The following KIZ variants were observed in gnomAD, a reference collection of about 807,000 sequenced individuals.
The protein encoded by KIZ is centrosomal protein kizuna.
A neutral mutation model predicts 79.6 loss-of-function variants in KIZ; 68 were observed. The observed-to-expected ratio is 0.85, with a 90% CI of 0.70 to 1.05. The LOEUF is 1.05. KIZ is among the 50% of genes least tolerant of loss of function. The pLI is 0.00. For missense variants in KIZ, 797 were observed against 800.4 expected, an observed-to-expected ratio of 1.00 and a Z score of 0.05; for synonymous variants, 280 against 281.8, an observed-to-expected ratio of 0.99 and a Z score of 0.06.
chr20:21,134,292 A>G (rs1160278846), intron 2 of KIZ, among the ~76,000 whole-genome samples: 2 of 152,182 alleles, frequency 1.3e-5, no homozygotes, highest in Non-Finnish European at 2.9e-5. Flanking sequence ...GCTCTTAAGC[A>G]TGACGGGATG....
intron 6 of KIZ, chr20:21,197,908 G>C (rs907167821): frequency 1.3e-5 from 2 of 152,158 alleles, no homozygotes; most frequent in East Asian, 1.9e-4. Context: ...TCCTTCACCA[G>C]CTCCCAGGAC....
intron 6 of KIZ, chr20:21,198,407 A>C (rs977883815): frequency 6.6e-6 from 1 of 152,222 alleles, no homozygotes; most frequent in African/African-American, 2.4e-5. Context: ...CTAGCAGAGA[A>C]TAGATTATTA....
intron 11 of KIZ, among the ~76,000 whole-genome samples, chr20:21,239,093 C>T (rs2037131103): frequency 6.6e-6 from 1 of 152,244 alleles, no homozygotes; most frequent in African/African-American, 2.4e-5. Context: ...CTGCTGTCTG[C>T]AGGCTGTCAC....
intron 1 of KIZ, 109 bp from the exon 2 acceptor site, chr20:21,131,984 TGACC>T: frequency 1.7e-6 from 1 of 600,882 alleles, no homozygotes; most frequent in Admixed American, 3.6e-5. Flanking sequence ...GGGCTTTTTT[TGACC>T]TCTAATCAAC....
At chr20:21,221,670 G>C (rs992397592) in intron 9 of KIZ, among the ~76,000 whole-genome samples, 6 of 152,200 alleles carry the variant, frequency 3.9e-5, no homozygotes, top group African/African-American at 1.4e-4. Context: ...TCCATTTAGA[G>C]TCTTTCCAGG....
intron 6 of KIZ, among the ~76,000 whole-genome samples, chr20:21,187,379 G>A (rs1001364203): frequency 6.6e-6 from 1 of 152,140 alleles, no homozygotes; most frequent in African/African-American, 2.4e-5. Context: ...TCATCTGAGT[G>A]CCCCCTCAGT....
chr20:21,126,977 ATC>A (rs1464262660), intron 1 of KIZ, among the ~76,000 whole-genome samples: 2 of 152,210 alleles, frequency 1.3e-5, no homozygotes, highest in Non-Finnish European at 2.9e-5. Context: ...ACATTTTTGG[ATC>A]TCTTGATAAA....
At chr20:21,230,442 T>C (rs532887432) in intron 10 of KIZ, among the ~76,000 whole-genome samples, 23 of 152,340 alleles carry the variant, frequency 1.5e-4, no homozygotes, top group African/African-American at 5.3e-4. Flanking sequence ...ACCACTGCAC[T>C]GGGCAACAGA....
At chr20:21,186,035 A>G (rs780969489) in intron 6 of KIZ, among the ~76,000 whole-genome samples, 8 of 152,336 alleles carry the variant, frequency 5.3e-5, no homozygotes, top group Middle Eastern at 6.8e-3. Flanking sequence ...AATGGAAAGT[A>G]TGGAAGTTGC....
chr20:21,204,449 ATT>A (rs1414280685), intron 6 of KIZ, among the ~76,000 whole-genome samples: 1 of 151,710 alleles, frequency 6.6e-6, no homozygotes, highest in Admixed American at 6.6e-5. Flanking sequence ...AAAGGTTTAT[ATT>A]TTTATTTTTT....
At chr20:21,203,065 C>G (rs922879448) in intron 6 of KIZ, among the ~76,000 whole-genome samples, 5 of 152,176 alleles carry the variant, frequency 3.3e-5, no homozygotes, top group African/African-American at 1.2e-4. Flanking sequence ...TTCAGTTTAT[C>G]TAATACCTAG....
intron 4 of KIZ, among the ~76,000 whole-genome samples, chr20:21,161,474 G>A (rs6137275): frequency 3.1e-5 from 3 of 97,726 alleles, no homozygotes; most frequent in Non-Finnish European, 5.3e-5. Context: ...TAGGATCACA[G>A]GCACCTGCCA....
chr20:21,201,497 G>A (rs1022215567), intron 6 of KIZ, among the ~76,000 whole-genome samples: 7 of 151,960 alleles, frequency 4.6e-5, no homozygotes, highest in African/African-American at 1.5e-4. Context: ...GCTTTGTATT[G>A]TTTGGATTAT....
At chr20:21,141,813 ACACACACACACT>A (rs1458299192) in intron 3 of KIZ, among the ~76,000 whole-genome samples, 1 of 139,144 alleles carries the variant, frequency 7.2e-6, no homozygotes, top group Admixed American at 7.1e-5. Flanking sequence ...ACACACACAC[ACACACACACACT>A]CTCTCTCTCT....
In KIZ at chr20:21,238,225, T is replaced by C. The variant is rs543774946; in HGVS notation, c.1880+5395T>C. Among the ~76,000 whole-genome samples the C allele has an allele frequency of 1.9e-4, 29 of 152,206 alleles. No individual in the cohort carries two copies. The South Asian group carries it at 6.0e-3, about 32-fold the overall frequency. Reference sequence around the variant, plus strand: ...CACCATTCACTCTAGTTTGTTTTTTTTTTTTTTAAATAAAAGTCAGTTTGT... The same window carrying C: ...CACCATTCACTCTAGTTTGTTTTTTCTTTTTTTAAATAAAAGTCAGTTTGT... On this transcript the variant is annotated intron_variant, in intron 11 of 12. Transcript: ENST00000619189.
chr20:21,145,700 G>T, intron 4 of KIZ, 46 bp downstream of exon 4: 1 of 781,004 alleles, frequency 1.3e-6, no homozygotes, highest in Non-Finnish European at 2.1e-6. Flanking sequence ...AGGAATTCTG[G>T]AGTGTTTATA....
chr20:21,235,857 A>T (rs377720357), intron 11 of KIZ, among the ~76,000 whole-genome samples: 94 of 152,348 alleles, frequency 6.2e-4, no homozygotes, highest in African/African-American at 2.2e-3. Context: ...GCCAGCCTGC[A>T]GCTGATGCTC....
intron 9 of KIZ, among the ~76,000 whole-genome samples, chr20:21,224,557 A>G (rs1447612194): frequency 1.3e-5 from 2 of 152,150 alleles, no homozygotes; most frequent in Non-Finnish European, 2.9e-5. Flanking sequence ...ATCCTTCCTT[A>G]CTCAAACATA....
At chr20:21,176,386 G>A (rs1314896347) in intron 6 of KIZ, among the ~76,000 whole-genome samples, 3 of 152,024 alleles carry the variant, frequency 2.0e-5, no homozygotes, top group African/African-American at 7.2e-5. Flanking sequence ...GACACCCAAG[G>A]AAAGTTTAGC....
Sources: allele counts gnomAD v4.1 joint callset (sites outside exome capture counted in the v4.1 genomes callset), GRCh38; gene constraint gnomAD v4.1.1; transcripts MANE v1.5; gene names NCBI Gene and HGNC (gene_info 2026-07-23, HGNC 2026-07-21).